Variants in RSAD2 observed in about 807,000 individuals in gnomAD.
The protein encoded by RSAD2 is radical S-adenosyl methionine domain containing 2, also known as S-adenosylmethionine-dependent nucleotide dehydratase RSAD2.
A neutral mutation model predicts 37.7 loss-of-function variants in RSAD2; 38 were observed. That is an observed-to-expected ratio of 1.01 (90% confidence interval 0.78 to 1.32). The LOEUF is 1.32. Among genes scored for constraint, RSAD2 ranks in the 40% most tolerant of loss-of-function variants. The pLI is 0.00. For synonymous variants in RSAD2, 163 were observed against 157.4 expected (o/e 1.04, Z -0.27); for missense variants, 428 against 437.5 (o/e 0.98, Z 0.19).
chr2:6,871,397 T>C (rs1663202021), intron 1 of RSAD2, among the ~76,000 whole-genome samples: 1 of 152,248 alleles, frequency 6.6e-6, no homozygotes, highest in African/African-American at 2.4e-5. Flanking sequence ...TGTTTTCTTG[T>C]CCTGTGATGA....
chr2:6,877,296 C>A (rs1051333872), upstream of RSAD2: 6 of 153,376 alleles, frequency 3.9e-5, no homozygotes, highest in African/African-American at 1.2e-4. Flanking sequence ...TGAAAGGGGT[C>A]TTGAGGTGAA....
At chr2:6,874,413 T>C (rs1427615552), upstream of RSAD2, among the ~76,000 whole-genome samples, 5 of 152,246 alleles carry the variant, frequency 3.3e-5, no homozygotes, top group African/African-American at 1.2e-4. Flanking sequence ...AATGATTGTA[T>C]GCCACAAAAA....
At chr2:6,880,977 A>C (rs2103241337) in intron 1 of RSAD2, among the ~76,000 whole-genome samples, 1 of 152,308 alleles carries the variant, frequency 6.6e-6, no homozygotes, top group East Asian at 1.9e-4. Flanking sequence ...TCTGGGCTGT[A>C]ATATGATCAC....
At chr2:6,870,635 A>T (rs1663185908) in intron 1 of RSAD2, among the ~76,000 whole-genome samples, 2 of 152,176 alleles carry the variant, frequency 1.3e-5, no homozygotes, top group Non-Finnish European at 2.9e-5. Flanking sequence ...TCTAGACTGC[A>T]AAGGGGAAAT....
intron 1 of RSAD2, among the ~76,000 whole-genome samples, chr2:6,866,835 T>A (rs927212215): frequency 1.3e-5 from 2 of 151,378 alleles, no homozygotes; most frequent in African/African-American, 4.9e-5. Flanking sequence ...TTTTTTTATG[T>A]CTTAATAGTA....
At chr2:6,894,290 T>A (rs113366328) in intron 5 of RSAD2, among the ~76,000 whole-genome samples, 3 of 97,212 alleles carry the variant, frequency 3.1e-5, no homozygotes, top group African/African-American at 8.8e-5. Context: ...TCCCCTTTCC[T>A]CTGTCTTTTT....
intron 1 of RSAD2, chr2:6,878,872 G>C: frequency 8.1e-7 from 1 of 1,228,270 alleles, no homozygotes; most frequent in Non-Finnish European, 1.1e-6. Context: ...TTCCCTCCTT[G>C]TTTAACTTTT....
chr2:6,894,487 T>C (rs1663698422), intron 5 of RSAD2, among the ~76,000 whole-genome samples: 1 of 152,132 alleles, frequency 6.6e-6, no homozygotes, highest in South Asian at 2.1e-4. Context: ...TTTTTTTTTC[T>C]GAGATAGGTT....
intron 4 of RSAD2, 73 bp downstream of exon 4, chr2:6,890,398 C>T (rs1663606358): frequency 3.4e-6 from 5 of 1,485,402 alleles, no homozygotes; most frequent in Admixed American, 1.7e-5. Context: ...AGTCTCTCAG[C>T]CAAGGACCCC....
At chr2:6,885,693 G>A (rs1663503335) in intron 2 of RSAD2, among the ~76,000 whole-genome samples, 2 of 152,216 alleles carry the variant, frequency 1.3e-5, no homozygotes, top group African/African-American at 4.8e-5. Context: ...GCAGAATATA[G>A]CAATTGACTT....
chr2:6,865,912 G>C (rs1223382278), exon 1 of RSAD2: 1 of 1,407,578 alleles, frequency 7.1e-7, no homozygotes, highest in Admixed American at 2.7e-5. Flanking sequence ...AGATGTGCGC[G>C]ATAAACGGCC....
chr2:6,886,106 G>T (rs901047998), intron 2 of RSAD2, among the ~76,000 whole-genome samples: 2 of 152,124 alleles, frequency 1.3e-5, no homozygotes, highest in African/African-American at 4.8e-5. Context: ...CTCTTAAAAA[G>T]TCACAAAACT....
chr2:6,874,176 ATCT>A (rs1663245281), upstream of RSAD2, among the ~76,000 whole-genome samples: 2 of 152,008 alleles, frequency 1.3e-5, no homozygotes, highest in African/African-American at 4.8e-5. Flanking sequence ...CATGCGAGAC[ATCT>A]TCTCCCCCTT....
rs1397881490 is a variant in RSAD2 at position 6,878,117 on chromosome 2, A to C, written c.317A>C (p.Lys106Thr). ...TTTGTGCTGCCCCTTGAGGAAGCAA[A>C]GAGAGGATTGCTTTTGCTTAAGGAA... ...TSFVLPLEEA[K>T]RGLLLLKEAG... The change falls in exon 1 of 6, where the codon AAG (lysine) becomes ACG (threonine). Residue 106 changes from lysine to threonine, a missense_variant. By Grantham distance (78) the Lys-to-Thr change is moderately conservative. Coordinates refer to ENST00000382040, the MANE Select transcript of RSAD2 (RefSeq NM_080657.5). 2 of 1,614,100 alleles carry C rather than the reference A, an allele frequency of 1.2e-6. No individual in the cohort carries two copies. Among genetic ancestry groups the C allele is most frequent in the Non-Finnish European group, 1.7e-6 (2 of 1,179,980 alleles).
intron 1 of RSAD2, among the ~76,000 whole-genome samples, chr2:6,879,459 T>C (rs1407726109): frequency 6.6e-6 from 1 of 152,108 alleles, no homozygotes; most frequent in East Asian, 1.9e-4. Flanking sequence ...GTCACACTCA[T>C]TTTCTCCAAA....
At chr2:6,887,972 C>T (rs920222581) in intron 3 of RSAD2, among the ~76,000 whole-genome samples, 4 of 152,164 alleles carry the variant, frequency 2.6e-5, no homozygotes, top group African/African-American at 7.2e-5. Context: ...ATGTGTGCTA[C>T]CATATCGTGA....
chr2:6,873,093 C>G (rs1424379164), upstream of RSAD2, among the ~76,000 whole-genome samples: 1 of 152,114 alleles, frequency 6.6e-6, no homozygotes, highest in East Asian at 1.9e-4. Context: ...CTCCTTCAAC[C>G]TTTTTGTCAT....
At chr2:6,866,769 C>T (rs1663101215) in intron 1 of RSAD2, 1 of 149,354 alleles carries the variant, frequency 6.7e-6, no homozygotes, top group African/African-American at 2.4e-5. Flanking sequence ...GAAACTCTCT[C>T]AAAAAAATAG....
chr2:6,878,892 C>G, intron 1 of RSAD2: 1 of 1,139,958 alleles, frequency 8.8e-7, no homozygotes, highest in Non-Finnish European at 1.2e-6. Flanking sequence ...TTAACAAAAG[C>G]ATAGCATACA....
Sources: gnomAD v4.1 joint callset for allele counts (sites outside exome capture counted in the v4.1 genomes callset) on GRCh38, gnomAD v4.1.1 for gene constraint, MANE v1.5 for transcripts, NCBI Gene and HGNC (gene_info 2026-07-23, HGNC 2026-07-21) for gene names.